The following COL26A1 variants were observed in gnomAD, a reference collection of about 807,000 sequenced individuals.
COL26A1 encodes collagen alpha-1(XXVI) chain.
COL26A1 carries 41 observed loss-of-function variants against 59.3 expected under a neutral mutation model. The observed-to-expected ratio is 0.69, with a 90% confidence interval of 0.54 to 0.90. The LOEUF is 0.90. Ranked by LOEUF, COL26A1 falls within the 40% of genes least tolerant of loss-of-function variation. The pLI is 0.00. For synonymous variants in COL26A1, 266 were observed against 256.0 expected, an observed-to-expected ratio of 1.04 and a Z score of -0.37; for missense variants, 612 against 602.3, an observed-to-expected ratio of 1.02 and a Z score of -0.17.
At chr7:101,524,024 C>A (rs1352310855) in intron 3 of COL26A1, among the ~76,000 whole-genome samples, 1 of 152,054 alleles carries the variant, frequency 6.6e-6, no homozygotes, top group Non-Finnish European at 1.5e-5. Context: ...AATCCCAGCA[C>A]TTTGGGAGGC....
intron 1 of COL26A1, among the ~76,000 whole-genome samples, chr7:101,416,172 T>A (rs1345145191): frequency 7.0e-6 from 1 of 142,854 alleles, no homozygotes; most frequent in African/African-American, 2.5e-5. Context: ...GGTGGGACGA[T>A]CACCTGAGCC....
chr7:101,491,417 C>G (rs1794457877), intron 3 of COL26A1, among the ~76,000 whole-genome samples: 1 of 152,080 alleles, frequency 6.6e-6, no homozygotes. Context: ...AATAGAGACC[C>G]CAAGAGAGGG....
intron 3 of COL26A1, among the ~76,000 whole-genome samples, chr7:101,489,641 CT>C (rs1563007173): frequency 2.8e-5 from 2 of 70,686 alleles, no homozygotes; most frequent in South Asian, 4.5e-4. Flanking sequence ...TTCTTTCTTT[CT>C]TTCTTTCTTT....
At chr7:101,532,332 C>G (rs979342742) in intron 3 of COL26A1, among the ~76,000 whole-genome samples, 1 of 152,066 alleles carries the variant, frequency 6.6e-6, no homozygotes, top group African/African-American at 2.4e-5. Flanking sequence ...GCCTAAGACC[C>G]TCCAGTGACC....
rs62465645 is a variant in COL26A1 at position 101,415,890 on chromosome 7, T to C, written c.159-4087T>C. ...TCAAGTGATCCTCCCACCTCAGCCT[T>C]CCAAAGTGCTGGGATTATAGGCGTG... is the stretch of plus-strand genomic sequence containing the variant. On this transcript the variant is annotated intron_variant, in intron 1 of 12. Transcript: ENST00000313669. Among the ~76,000 whole-genome samples the C allele has an allele frequency of 7.7e-3, 807 of 105,186 alleles. 83 individuals are homozygous for C. Among genetic ancestry groups the C allele is most frequent in the Middle Eastern group, 0.033 (6 of 184 alleles). 69.0% of individuals were successfully genotyped at this position (105,186 alleles called of 152,430 possible).
rs1273332042 is a variant in COL26A1, at chr7:101,401,582, AAGG to A, written c.159-18387_159-18385del. Among the ~76,000 whole-genome samples, 54 of 85,464 alleles carry A rather than the reference AAGG, an allele frequency of 6.3e-4. 1 individual carries two copies. The highest frequency in any genetic ancestry group is 1.6e-3 in the African/African-American group (34 of 20,754). 56.1% of individuals were successfully genotyped at this position (85,464 alleles called of 152,430 possible). The stretch of plus-strand genomic sequence containing the variant: ...GGAAGAAGAGAAAGAGGAGGAGGAA[AAGG>A]AGGAGGAAGAGGAAGAGTAGGAGGA... On this transcript the variant is annotated intron_variant, in intron 1 of 12. Coordinates refer to ENST00000313669, the MANE Select transcript of COL26A1 (RefSeq NM_001278563.3).
At chr7:101,417,953 G>C (rs1444221309) in intron 1 of COL26A1, among the ~76,000 whole-genome samples, 1 of 151,950 alleles carries the variant, frequency 6.6e-6, no homozygotes, top group Admixed American at 6.6e-5. Context: ...TCGAACTCCT[G>C]ACCTCAGGTG....
At chr7:101,387,778 A>ATATATTTTT (rs773025730) in intron 1 of COL26A1, among the ~76,000 whole-genome samples, 67 of 84,790 alleles carry the variant, frequency 7.9e-4, no homozygotes, top group African/African-American at 3.2e-3. Context: ...ATATATATAT[A>ATATATTTTT]TTTTTTTTTA....
At chr7:101,516,461 G>C (rs1180516251) in intron 3 of COL26A1, among the ~76,000 whole-genome samples, 1 of 151,792 alleles carries the variant, frequency 6.6e-6, no homozygotes, top group Non-Finnish European at 1.5e-5. Flanking sequence ...TTTTAGAGAT[G>C]GGGTCTCACT....
At position 101,534,401 on chromosome 7, in the gene COL26A1, G is replaced by A. The variant is rs117710878; in HGVS notation, c.447+1258G>A. 2.3e-4 allele frequency among the ~76,000 whole-genome samples: 35 copies of A among 152,144 alleles called. No homozygotes were observed. The East Asian group carries it at 4.8e-3, about 21-fold the overall frequency. ...CACCCAGAAGAGCACACATACACAC[G>A]CATGCATACCCACATAATACATGTG... On this transcript the variant is annotated intron_variant, in intron 4 of 12. Transcript: ENST00000313669.
chr7:101,391,427 C>G (rs991758053), intron 1 of COL26A1, among the ~76,000 whole-genome samples: 12 of 152,104 alleles, frequency 7.9e-5, no homozygotes, highest in Non-Finnish European at 1.3e-4. Flanking sequence ...TAGAGAAGGT[C>G]CTATTGGATG....
At chr7:101,403,195 G>A (rs185804883) in intron 1 of COL26A1, among the ~76,000 whole-genome samples, 1 of 152,176 alleles carries the variant, frequency 6.6e-6, no homozygotes, top group Non-Finnish European at 1.5e-5. Context: ...TGGTTTCAGG[G>A]GACAATAGAC....
chr7:101,414,461 G>A (rs1001109119), intron 1 of COL26A1, among the ~76,000 whole-genome samples: 3 of 134,772 alleles, frequency 2.2e-5, no homozygotes, highest in Admixed American at 7.3e-5. Context: ...TGTGTGTGTC[G>A]GAGTCTTGCT....
intron 3 of COL26A1, among the ~76,000 whole-genome samples, chr7:101,530,870 T>C (rs1334344806): frequency 6.6e-6 from 1 of 152,212 alleles, no homozygotes; most frequent in Admixed American, 6.5e-5. Flanking sequence ...CCTTGCAAAA[T>C]AGTATTTGCA....
chr7:101,545,562 A>G, intron 7 of COL26A1, 72 bp downstream of exon 7: 1 of 1,492,022 alleles, frequency 6.7e-7, no homozygotes, highest in Non-Finnish European at 8.9e-7. Flanking sequence ...AGCCTTCCTT[A>G]AAGGATCCTG....
intron 2 of COL26A1, among the ~76,000 whole-genome samples, chr7:101,421,663 A>AAT (rs1190064070): frequency 2.0e-5 from 3 of 151,924 alleles, no homozygotes; most frequent in Non-Finnish European, 4.4e-5. Flanking sequence ...AAAAAAAAAA[A>AAT]AGAAATTGCT....
At chr7:101,367,393 G>A (rs980730084) in intron 1 of COL26A1, among the ~76,000 whole-genome samples, 14 of 152,120 alleles carry the variant, frequency 9.2e-5, no homozygotes, top group African/African-American at 2.7e-4. Context: ...GGCCAGGTGC[G>A]GTGGCTCATG....
intron 3 of COL26A1, among the ~76,000 whole-genome samples, chr7:101,515,518 A>G (rs1405033671): frequency 6.6e-6 from 1 of 151,304 alleles, no homozygotes; most frequent in Admixed American, 6.6e-5. Flanking sequence ...TGCTGGCTTC[A>G]AGTGATCTGC....
At chr7:101,528,333 G>A (rs1317052951) in intron 3 of COL26A1, among the ~76,000 whole-genome samples, 2 of 152,140 alleles carry the variant, frequency 1.3e-5, no homozygotes, top group Non-Finnish European at 2.9e-5. Flanking sequence ...GAAACACTCT[G>A]CTCAAGGCCC....
Sources: allele counts gnomAD v4.1 joint callset (sites outside exome capture counted in the v4.1 genomes callset), GRCh38; gene constraint gnomAD v4.1.1; transcripts MANE v1.5; gene names NCBI Gene and HGNC (gene_info 2026-07-23, HGNC 2026-07-21).